ZNF66: variants seen among roughly 807,000 people sequenced by gnomAD.
ZNF66 encodes zinc finger protein 66.
A neutral mutation model predicts 35.2 loss-of-function variants in ZNF66; 32 were observed. That is an observed-to-expected ratio of 0.91 (90% CI 0.69 to 1.22). The LOEUF (loss-of-function observed/expected upper bound fraction) is 1.22. ZNF66 is among the 50% of genes most tolerant of loss of function. ZNF66 has a pLI of 0.00. For missense variants in ZNF66, 666 were observed against 543.1 expected (o/e 1.23, Z -2.25); for synonymous variants, 231 against 181.3 (o/e 1.27, Z -2.20).
intron 3 of ZNF66, among the ~76,000 whole-genome samples, chr19:20,801,636 C>T (rs1416722570): frequency 4.6e-5 from 7 of 151,864 alleles, no homozygotes; most frequent in African/African-American, 1.2e-4. Flanking sequence ...TGAGCCACTG[C>T]ATCCGGCCTC....
At chr19:20,792,741 A>T in intron 2 of ZNF66, 103 bp downstream of exon 2, 1 of 733,542 alleles carries the variant, frequency 1.4e-6, no homozygotes, top group Non-Finnish European at 2.1e-6. Flanking sequence ...AGAGTTTCAG[A>T]TCCAGTTTTT....
intron 1 of ZNF66, among the ~76,000 whole-genome samples, chr19:20,781,341 C>T (rs536678585): frequency 6.6e-6 from 1 of 152,144 alleles, no homozygotes; most frequent in South Asian, 2.1e-4. Flanking sequence ...ACGTACTAAG[C>T]ATAGCACCAA....
chr19:20,786,142 A>G (rs942059291), intron 1 of ZNF66, among the ~76,000 whole-genome samples: 3 of 152,156 alleles, frequency 2.0e-5, no homozygotes, highest in African/African-American at 7.2e-5. Flanking sequence ...TAAGGTGCCA[A>G]CCAGAATTTA....
intron 1 of ZNF66, among the ~76,000 whole-genome samples, chr19:20,777,498 G>A (rs929058425): frequency 4.2e-5 from 6 of 142,586 alleles, no homozygotes; most frequent in African/African-American, 1.6e-4. Context: ...GGGGACTAGA[G>A]CCTCTTCAGT....
intron 3 of ZNF66, among the ~76,000 whole-genome samples, chr19:20,803,523 A>G (rs757780992): frequency 2.2e-4 from 33 of 151,994 alleles, no homozygotes; most frequent in Non-Finnish European, 4.1e-4. Flanking sequence ...GAGTTTGCCA[A>G]TTATATTTTT....
Position 20,806,838 on chromosome 19 carries a change from C to A in ZNF66, c.1238C>A (p.Ser413Tyr). 1 of 1,332,956 alleles carries A rather than the reference C, an allele frequency of 7.5e-7. No individual in the cohort carries two copies. Among genetic ancestry groups the A allele is most frequent in the South Asian group, 1.2e-5 (1 of 84,752 alleles). 82.6% of individuals were successfully genotyped at this position (1,332,956 alleles called of 1,614,324 possible). A position where few individuals can be genotyped will look rare whatever the true frequency, so the allele number is the denominator to read the frequency against. ...GKVFKHSSPL[S>Y]KHKRIHTGEK... ...GTGTTTAAGCACTCCTCTCCCCTTT[C>A]TAAACATAAGAGAATTCATACTGGA... Residue 413 changes from serine (S) to tyrosine (Y), a missense_variant, in exon 4 of 4, where the codon TCT (serine) becomes TAT (tyrosine). By Grantham distance (144) the Ser-to-Tyr change is moderately radical. Coordinates refer to ENST00000344519, the MANE Select transcript of ZNF66 (RefSeq NM_001355197.2).
chr19:20,787,857 C>G (rs1971302072), intron 1 of ZNF66, among the ~76,000 whole-genome samples: 1 of 152,182 alleles, frequency 6.6e-6, no homozygotes, highest in Non-Finnish European at 1.5e-5. Flanking sequence ...TGGAGTTCCA[C>G]CAGGGCAGTT....
At chr19:20,777,114 T>TA (rs767934089) in intron 1 of ZNF66, among the ~76,000 whole-genome samples, 8,743 of 94,816 alleles carry the variant, frequency 0.092, 425 homozygotes, top group South Asian at 0.14. Context: ...GACTCTTGTC[T>TA]AAAAAAAAAA....
chr19:20,781,860 A>G (rs1971248470), intron 1 of ZNF66, among the ~76,000 whole-genome samples: 1 of 150,814 alleles, frequency 6.6e-6, no homozygotes, highest in African/African-American at 2.4e-5. Flanking sequence ...TGTTATTGCA[A>G]AGGACGTGAT....
At chr19:20,782,777 C>T (rs1349785206) in intron 1 of ZNF66, among the ~76,000 whole-genome samples, 1 of 152,018 alleles carries the variant, frequency 6.6e-6, no homozygotes, top group African/African-American at 2.4e-5. Context: ...AGACCTTTGT[C>T]AGAGGCAAAG....
intron 3 of ZNF66, among the ~76,000 whole-genome samples, chr19:20,798,544 C>A (rs1386447441): frequency 1.3e-5 from 2 of 152,086 alleles, no homozygotes; most frequent in Non-Finnish European, 2.9e-5. Flanking sequence ...TTAGGTGACA[C>A]AGTGAGACCC....
intron 1 of ZNF66, among the ~76,000 whole-genome samples, chr19:20,787,658 G>A (rs1177460050): frequency 6.6e-6 from 1 of 152,198 alleles, no homozygotes; most frequent in African/African-American, 2.4e-5. Context: ...GGCTCCAGGA[G>A]GAAATAGAAT....
rs879637768 is a variant in ZNF66 at position 20,793,327 on chromosome 19, C to CTTTTTTTTT, written c.131-452_131-451insTTTTTTTTT. Among the ~76,000 whole-genome samples, 130 of 74,708 alleles carry CTTTTTTTTT rather than the reference C, an allele frequency of 1.7e-3. 11 individuals carry two copies. The highest frequency in any genetic ancestry group is 2.6e-3 in the East Asian group (6 of 2,284). 49.0% of individuals were successfully genotyped at this position (74,708 alleles called of 152,430 possible). On this transcript the variant is annotated intron_variant, in intron 2 of 3. Coordinates refer to ENST00000344519, the MANE Select transcript of ZNF66 (RefSeq NM_001355197.2). ...CTTTTCTTTTCTTTTCTTTTCTTTT[C>CTTTTTTTTT]TTTTCTTTTTTTTTTTTTTTTGAGA...
intron 3 of ZNF66, among the ~76,000 whole-genome samples, chr19:20,803,102 T>C (rs372292): frequency 0.092 from 14,036 of 151,846 alleles, 594 homozygotes; most frequent in Middle Eastern, 0.11. Flanking sequence ...ACTTTCAGTC[T>C]TTTTTTATCA....
chr19:20,793,168 A>G lies in ZNF66; in HGVS notation c.130+530A>G, dbSNP rs192259740. On this transcript the variant is annotated intron_variant, in intron 2 of 3. Transcript: ENST00000344519. The stretch of plus-strand genomic sequence containing the variant: ...AGGTGAGTTATATTCTTCACTCTAA[A>G]TTAGTGGTAATTCCAGAAATTTACT... 2.0e-5 allele frequency among the ~76,000 whole-genome samples: 3 copies of G among 152,032 alleles called. No homozygotes were observed. In the East Asian group the frequency reaches 5.8e-4, roughly 29 times the overall value.
chr19:20,781,502 C>T (rs113197149), intron 1 of ZNF66, among the ~76,000 whole-genome samples: 1 of 149,068 alleles, frequency 6.7e-6, no homozygotes, highest in Non-Finnish European at 1.5e-5. Context: ...TCTGTTTCTG[C>T]ATTATTTTAT....
At chr19:20,791,485 C>CAAAAAAAAAAAAAAAAAAAAA (rs35269524) in intron 1 of ZNF66, among the ~76,000 whole-genome samples, 1 of 57,338 alleles carries the variant, frequency 1.7e-5, no homozygotes, top group Non-Finnish European at 4.0e-5. Context: ...GACTTAATCT[C>CAAAAAAAAAAAAAAAAAAAAA]AAAAAAAAAA....
rs568332612 is a variant in ZNF66, at chr19:20,809,377, G to A, written c.*2055G>A. On this transcript the variant is annotated 3_prime_UTR_variant, in exon 4 of 4. Transcript: ENST00000344519. ...AAGAGCAACTCCAAGACACATAATT[G>A]TCAGATTCACCAAAGTTGAAATGAA... Among the ~76,000 whole-genome samples the A allele has an allele frequency of 1.9e-3, 295 of 152,056 alleles. 2 individuals carry two copies. Among genetic ancestry groups the A allele is most frequent in the African/African-American group, 6.5e-3 (268 of 41,482 alleles).
chr19:20,789,336 C>T (rs1191275373), intron 1 of ZNF66, among the ~76,000 whole-genome samples: 2 of 152,128 alleles, frequency 1.3e-5, no homozygotes, highest in African/African-American at 4.8e-5. Context: ...GGAGTCTTTC[C>T]TCAGAGAACT....
Sources: gnomAD v4.1 joint callset for allele counts (sites outside exome capture counted in the v4.1 genomes callset) on GRCh38, gnomAD v4.1.1 for gene constraint, MANE v1.5 for transcripts, NCBI Gene and HGNC (gene_info 2026-07-23, HGNC 2026-07-21) for gene names.